The following OSBP2 variants were observed in gnomAD, a reference collection of about 807,000 sequenced individuals.
OSBP2 encodes oxysterol binding protein 2.
A neutral mutation model predicts 96.0 loss-of-function variants in OSBP2; 66 were observed. The ratio of observed to expected loss-of-function variants is 0.69; its 90% confidence interval spans 0.56 to 0.84. The LOEUF is 0.84. OSBP2 is among the 40% of genes least tolerant of loss of function. The probability of loss-of-function intolerance (pLI) is 0.00; values close to 1 mark genes in which losing one functional copy is unlikely to be tolerated. For synonymous variants in OSBP2, 525 were observed against 520.9 expected (o/e 1.01, Z -0.11); for missense variants, 1,038 against 1,222.7 (o/e 0.85, Z 2.25).
intron 2 of OSBP2, among the ~76,000 whole-genome samples, chr22:30,786,816 T>C (rs566456626): frequency 1.6e-4 from 25 of 152,086 alleles, no homozygotes; most frequent in African/African-American, 5.3e-4. Flanking sequence ...TTTTGTTTTG[T>C]TTTGTACAGT....
chr22:30,739,670 G>C (rs143622129), intron 1 of OSBP2, among the ~76,000 whole-genome samples: 2 of 151,938 alleles, frequency 1.3e-5, no homozygotes, highest in Non-Finnish European at 2.9e-5. Context: ...CGCCCAAGGG[G>C]TTCACCTTGC....
At chr22:30,746,914 C>G (rs1450780909) in intron 2 of OSBP2, among the ~76,000 whole-genome samples, 1 of 152,110 alleles carries the variant, frequency 6.6e-6, no homozygotes, top group Admixed American at 6.6e-5. Context: ...TGCAAAATCC[C>G]TCAACAAAAT....
intron 1 of OSBP2, among the ~76,000 whole-genome samples, chr22:30,733,982 A>G (rs1185223260): frequency 1.3e-5 from 2 of 149,210 alleles, no homozygotes; most frequent in African/African-American, 2.5e-5. Flanking sequence ...ATACATTATC[A>G]TTTTTTTTTT....
At chr22:30,791,537 G>A (rs2090676018) in intron 2 of OSBP2, among the ~76,000 whole-genome samples, 1 of 150,388 alleles carries the variant, frequency 6.6e-6, no homozygotes, top group Admixed American at 6.6e-5. Context: ...ATGTTGGCCA[G>A]GCTGGTCTCA....
chr22:30,707,860 A>G (rs1430655291), intron 1 of OSBP2, among the ~76,000 whole-genome samples: 1 of 151,954 alleles, frequency 6.6e-6, no homozygotes, highest in Non-Finnish European at 1.5e-5. Flanking sequence ...GAGGCTACAC[A>G]TGGCCCAGCT....
chr22:30,874,392 C>T (rs537487168), intron 3 of OSBP2, among the ~76,000 whole-genome samples: 1 of 151,988 alleles, frequency 6.6e-6, no homozygotes, highest in Non-Finnish European at 1.5e-5. Flanking sequence ...AGCCTGGCAA[C>T]AGAGTGAGAC....
intron 1 of OSBP2, among the ~76,000 whole-genome samples, chr22:30,716,685 G>A (rs975653240): frequency 6.6e-5 from 10 of 152,146 alleles, no homozygotes; most frequent in African/African-American, 1.7e-4. Flanking sequence ...TGATCTGCCC[G>A]CCTCAGCTTC....
rs1475805668 is a variant in OSBP2 at position 30,887,455 on chromosome 22, G to C, written c.1137G>C (p.Glu379Asp). The C allele has an allele frequency of 6.2e-7, 1 of 1,613,800 alleles. No individual in the cohort carries two copies. Among genetic ancestry groups the C allele is most frequent in the Non-Finnish European group, 8.5e-7 (1 of 1,180,026 alleles). ...NACRDFLELA[E>D]IHSRKWQRAL... ...GCAGGGACTTCTTGGAACTAGCAGA[G>C]ATACACAGTCGGAAATGGCAGCGGG... Residue 379 changes from glutamate (E) to aspartate (D), a missense_variant, in exon 4 of 14, where the codon GAG becomes GAC. This residue lies in a region of OSBP2 where 737 missense variants were observed against 913.3 expected (regional missense o/e 0.81). Transcript: ENST00000332585.
At chr22:30,868,843 C>T (rs1285795752) in intron 2 of OSBP2, among the ~76,000 whole-genome samples, 3 of 152,232 alleles carry the variant, frequency 2.0e-5, no homozygotes, top group African/African-American at 4.8e-5. Context: ...GCCATGTCCA[C>T]CCCCGTGTAC....
chr22:30,713,355 C>T (rs976179008), intron 1 of OSBP2, among the ~76,000 whole-genome samples: 1 of 152,008 alleles, frequency 6.6e-6, no homozygotes, highest in Admixed American at 6.6e-5. Flanking sequence ...GGATTACAGG[C>T]GTGAGCCACT....
At chr22:30,791,961 T>G (rs136295) in intron 2 of OSBP2, among the ~76,000 whole-genome samples, 31,560 of 152,104 alleles carry the variant, frequency 0.21, 4,155 homozygotes, top group African/African-American at 0.38. Context: ...AGAGAGATTA[T>G]GATAAAATAT....
At chr22:30,809,125 C>G (rs2090973070) in intron 2 of OSBP2, among the ~76,000 whole-genome samples, 1 of 152,186 alleles carries the variant, frequency 6.6e-6, no homozygotes, top group East Asian at 1.9e-4. Flanking sequence ...GGATTCTCCC[C>G]TAGAGCCTTC....
chr22:30,799,057 T>TTTCCTTCCTTCCTTCCTTCC (rs1159820708), intron 2 of OSBP2, among the ~76,000 whole-genome samples: 42 of 120,318 alleles, frequency 3.5e-4, no homozygotes, highest in East Asian at 5.0e-4. Flanking sequence ...CATGCAAAGG[T>TTTCCTTCCTTCCTTCCTTCC]TTCCTTCCTT....
At chr22:30,863,755 T>A (rs2039273496) in intron 2 of OSBP2, among the ~76,000 whole-genome samples, 1 of 152,150 alleles carries the variant, frequency 6.6e-6, no homozygotes, top group Non-Finnish European at 1.5e-5. Flanking sequence ...GGTCCACTGG[T>A]CAGAGCGAAT....
chr22:30,763,351 T>C (rs988205201), intron 2 of OSBP2, among the ~76,000 whole-genome samples: 1 of 152,194 alleles, frequency 6.6e-6, no homozygotes, highest in African/African-American at 2.4e-5. Context: ...ATTCAAAATA[T>C]ACAAACACAG....
intron 2 of OSBP2, among the ~76,000 whole-genome samples, chr22:30,757,537 T>G (rs2090156745): frequency 6.6e-6 from 1 of 151,872 alleles, no homozygotes; most frequent in South Asian, 2.1e-4. Flanking sequence ...CCTGTCTCAG[T>G]CTCCCGAGTA....
chr22:30,757,343 T>C (rs2090154462), intron 2 of OSBP2, among the ~76,000 whole-genome samples: 1 of 152,196 alleles, frequency 6.6e-6, no homozygotes, highest in South Asian at 2.1e-4. Flanking sequence ...TTCTCCCCTT[T>C]GAAGCAGTGC....
rs979542278 is a variant in OSBP2 at position 30,821,835 on chromosome 22, A to G, written c.854-48594A>G. Among the ~76,000 whole-genome samples the G allele has an allele frequency of 1.2e-4, 19 of 152,248 alleles. 1 individual carries two copies. Among genetic ancestry groups the G allele is most frequent in the Admixed American group, 1.2e-3 (19 of 15,286 alleles). On this transcript the variant is annotated intron_variant, in intron 2 of 13. Transcript: ENST00000332585. ...AGGCAGTTAATTTCACTTAACACGA[A>G]TTTATTAGAAACAGCTCCTTTAGAA...
chr22:30,877,219 T>G (rs2039602430), intron 3 of OSBP2, among the ~76,000 whole-genome samples: 2 of 152,202 alleles, frequency 1.3e-5, no homozygotes, highest in East Asian at 3.8e-4. Flanking sequence ...AATCGCTTAG[T>G]GTCTGGCAAA....
Sources: allele counts gnomAD v4.1 joint callset (sites outside exome capture counted in the v4.1 genomes callset), GRCh38; gene constraint gnomAD v4.1.1; regional missense constraint gnomAD v4.1.1; transcripts MANE v1.5; gene names NCBI Gene and HGNC (gene_info 2026-07-23, HGNC 2026-07-21).